Variants in ADGRL1 observed in about 807,000 individuals in gnomAD.
ADGRL1 encodes adhesion G protein-coupled receptor L1.
In ADGRL1, 31 loss-of-function variants were observed where a neutral mutation model predicts 148.9. The ratio of observed to expected loss-of-function variants is 0.21; its 90% CI spans 0.16 to 0.28. The LOEUF is 0.28. Ranked by LOEUF, ADGRL1 falls within the 10% of genes least tolerant of loss-of-function variation. ADGRL1 has a pLI of 1.00. For synonymous variants in ADGRL1, 937 were observed against 900.3 expected (o/e 1.04, Z -0.73); for missense variants, 1,521 against 2,058.8 (o/e 0.74, Z 5.05).
rs1967890172 is a variant in ADGRL1, at chr19:14,149,129, G to C, written c.*1744C>G. ...CTGGGGCTATGCTGCCCCTAGAGTT[G>C]AGGGAAGGGGGCTGGGGAGGCTGGC... On this transcript the variant is annotated 3_prime_UTR_variant, in exon 23 of 23. Coordinates refer to ENST00000361434, the MANE Select transcript of ADGRL1 (RefSeq NM_014921.5). 1 of 152,024 alleles carries C rather than the reference G, an allele frequency of 6.6e-6. No homozygotes were observed. The allele number at this position is 152,024 out of a possible 1,614,324, so 9.4% of individuals were successfully genotyped here.
chr19:14,152,820 G>A lies in ADGRL1; in HGVS notation c.3387C>T (p.Ala1129=), dbSNP rs765392717. 35 of 1,613,992 alleles carry A rather than the reference G, an allele frequency of 2.2e-5. 1 individual carries two copies. The African/African-American group carries it at 4.5e-4, about 21-fold the overall frequency. ...GGTHGSLKTS[A]MRSNTRYYTG... ...TGTAGTAGCGGGTGTTGCTTCGCAT[G>A]GCTGAGGTCTTGAGGGATCCGTGAG... Residue 1129 remains alanine (A), a synonymous_variant, in exon 19 of 23, where the codon GCC becomes GCT. Transcript: ENST00000361434. This position sits in a 1 kb window ranked among gnomAD's most constrained non-coding sequence, Gnocchi z 6.1.
At position 14,152,616 on chromosome 19, in the gene ADGRL1, G is replaced by A. The variant is rs760642110; in HGVS notation, c.3424-3C>T. The A allele has an allele frequency of 6.2e-7, 1 of 1,613,732 alleles. No homozygotes were observed. The highest frequency in any genetic ancestry group is 8.5e-7 in the Non-Finnish European group (1 of 1,179,820). On this transcript the variant is annotated splice_region_variant and splice_polypyrimidine_tract_variant and intron_variant, in intron 19 of 22. Coordinates refer to ENST00000361434, the MANE Select transcript of ADGRL1 (RefSeq NM_014921.5). This position sits in a 1 kb window ranked among gnomAD's most constrained non-coding sequence, Gnocchi z 6.1. ...TTCCACATCCTCCGAATTCGGCTCT[G>A]GGAACACAACCCAAATGTGAGGGGA...
intron 1 of ADGRL1, among the ~76,000 whole-genome samples, chr19:14,201,228 T>G (rs555594674): frequency 6.6e-6 from 1 of 150,968 alleles, no homozygotes; most frequent in African/African-American, 2.4e-5. Context: ...TCTGGCTTCC[T>G]GACCTGATCA....
At chr19:14,192,868 A>G (rs1972031489) in intron 1 of ADGRL1, among the ~76,000 whole-genome samples, 2 of 151,862 alleles carry the variant, frequency 1.3e-5, no homozygotes, top group Admixed American at 6.6e-5. Flanking sequence ...TTTTCTTTCT[A>G]CTCCCAGAAG....
In ADGRL1 at chr19:14,155,443, CG is replaced by C. The variant is rs1968622768; in HGVS notation, c.3209del (p.Ser1070TrpfsTer83). ...TGGTGAAGAGATAGGCCATGACCAC[CG>C]ACTCCTTGTTGATGAAGAGGAGGCC... is the stretch of plus-strand genomic sequence containing the variant. ...AFGLLFINKE[S>X]VVMAYLFTTF... On this transcript the variant is annotated frameshift_variant, in exon 18 of 23. Transcript: ENST00000361434. LOFTEE classifies it high-confidence loss of function. The surrounding 1 kb of genome is among the most constrained non-coding windows in gnomAD (Gnocchi z 5.0). The C allele has an allele frequency of 6.2e-7, 1 of 1,614,044 alleles. No homozygotes were observed. Among genetic ancestry groups the C allele is most frequent in the Non-Finnish European group, 8.5e-7 (1 of 1,180,008 alleles).
In ADGRL1 at chr19:14,159,035, T is replaced by TG. The variant is rs1969069060; in HGVS notation, c.2149+54dup. ...TGGCACAGAGACGCTGGCACAGAGC[T>TG]GGGGGGTGGGGGTGGGGCTGCTTCC... On this transcript the variant is annotated intron_variant, in intron 11 of 22. Coordinates refer to ENST00000361434, the MANE Select transcript of ADGRL1 (RefSeq NM_014921.5). The surrounding 1 kb of genome is among the most constrained non-coding windows in gnomAD (Gnocchi z 6.0). 1.0e-5 allele frequency: 14 copies of TG among 1,403,236 alleles called. No homozygotes were observed. The highest frequency in any genetic ancestry group is 1.3e-5 in the Non-Finnish European group (13 of 1,026,630). The allele number at this position is 1,403,236 out of a possible 1,614,324, so 86.9% of individuals were successfully genotyped here.
At chr19:14,178,180 C>T (rs1970950302) in intron 2 of ADGRL1, among the ~76,000 whole-genome samples, 1 of 152,052 alleles carries the variant, frequency 6.6e-6, no homozygotes, top group African/African-American at 2.4e-5. Flanking sequence ...AGGGTAGGCC[C>T]CAATCCAATA....
rs563221611 is a variant in ADGRL1 at position 14,172,053 on chromosome 19, G to A, written c.285-1262C>T. 5.4e-4 allele frequency among the ~76,000 whole-genome samples: 83 copies of A among 152,332 alleles called. 1 individual carries two copies. Among genetic ancestry groups the A allele is most frequent in the African/African-American group, 2.0e-3 (82 of 41,572 alleles). On this transcript the variant is annotated intron_variant, in intron 3 of 22. Transcript: ENST00000361434. The stretch of plus-strand genomic sequence containing the variant: ...GAGAAGGGACTAAGGATCTAGCAGG[G>A]AGAGAGAAAAATGGGGGGCAGGATG...
chr19:14,155,308 A>G lies in ADGRL1; in HGVS notation c.3294+51T>C. The G allele has an allele frequency of 1.3e-6, 2 of 1,596,498 alleles. No homozygotes were observed. Among genetic ancestry groups the G allele is most frequent in the Non-Finnish European group, 1.7e-6 (2 of 1,168,870 alleles). On this transcript the variant is annotated intron_variant, in intron 18 of 22. Transcript: ENST00000361434. This position sits in a 1 kb window ranked among gnomAD's most constrained non-coding sequence, Gnocchi z 5.0. Reference sequence around the variant, plus strand: ...CCTCGCCGCCTTCTCCTGGGTACCCAGGAAACGTCTCCAAGGGAGGCTGTG... The same window carrying G: ...CCTCGCCGCCTTCTCCTGGGTACCCGGGAAACGTCTCCAAGGGAGGCTGTG...
chr19:14,191,396 A>C (rs1050338150), intron 1 of ADGRL1: 3 of 456,622 alleles, frequency 6.6e-6, no homozygotes, highest in Non-Finnish European at 8.8e-6. Flanking sequence ...GCAGCTGTGC[A>C]ACAGGACAAA....
chr19:14,184,625 TATTTATTTATTTA>T (rs1599489776), intron 1 of ADGRL1, among the ~76,000 whole-genome samples: 1 of 132,404 alleles, frequency 7.6e-6, no homozygotes, highest in African/African-American at 3.0e-5. Flanking sequence ...TTTATTTATT[TATTTATTTATTTA>T]TTTATTTATT....
At chr19:14,192,648 T>G in intron 1 of ADGRL1, among the ~76,000 whole-genome samples, 1 of 152,058 alleles carries the variant, frequency 6.6e-6, no homozygotes, top group East Asian at 1.9e-4. Flanking sequence ...TTCAAGAACC[T>G]CGAGTGATTC....
rs200717671 is a variant in ADGRL1, at chr19:14,177,516, C to A, written c.284+15G>T. On this transcript the variant is annotated intron_variant, in intron 3 of 22. Coordinates refer to ENST00000361434, the MANE Select transcript of ADGRL1 (RefSeq NM_014921.5). Reference sequence around the variant, plus strand: ...CGGGCACTTCATCCAGGAACTGCCACGAGAGCCCACTCACCTCTGTGACAT... The same window carrying A: ...CGGGCACTTCATCCAGGAACTGCCAAGAGAGCCCACTCACCTCTGTGACAT... The A allele has an allele frequency of 1.9e-6, 3 of 1,609,804 alleles. No homozygotes were observed. The highest frequency in any genetic ancestry group is 2.6e-6 in the Non-Finnish European group (3 of 1,176,250).
chr19:14,153,083 G>C (rs1360417330), intron 18 of ADGRL1, among the ~76,000 whole-genome samples, 171 bp from the exon 19 acceptor site: 2 of 152,230 alleles, frequency 1.3e-5, no homozygotes, highest in East Asian at 3.9e-4. Context: ...GATGTCCCCT[G>C]TCCCCCAACA....
chr19:14,182,672 G>A (rs1016754960), intron 2 of ADGRL1, among the ~76,000 whole-genome samples: 1 of 152,206 alleles, frequency 6.6e-6, no homozygotes, highest in Non-Finnish European at 1.5e-5. Context: ...GGGGTGGAAG[G>A]CTGGCTCAGA....
intron 1 of ADGRL1, among the ~76,000 whole-genome samples, chr19:14,197,936 C>A: frequency 6.6e-6 from 1 of 152,260 alleles, no homozygotes; most frequent in South Asian, 2.1e-4. Context: ...GGAAGGTGTG[C>A]TTGACAGGGG....
intron 1 of ADGRL1, chr19:14,191,369 C>T: frequency 6.6e-6 from 3 of 456,648 alleles, no homozygotes; most frequent in South Asian, 3.1e-5. Flanking sequence ...CTTGGTAAAA[C>T]GGGGATACCT....
At position 14,160,685 on chromosome 19, in the gene ADGRL1, A is replaced by G; in HGVS notation, c.1522T>C (p.Phe508Leu). Residue 508 changes from phenylalanine (F) to leucine (L), a missense_variant, in exon 7 of 23, where the codon TTC becomes CTC. By Grantham distance (22) the Phe-to-Leu change is conservative. Coordinates refer to ENST00000361434, the MANE Select transcript of ADGRL1 (RefSeq NM_014921.5). This position sits in a 1 kb window ranked among gnomAD's most constrained non-coding sequence, Gnocchi z 5.9. ...CPKGTRGIAS[F>L]QCLPALGLWN... ...AGCCCCAAGGCTGGTAGACACTGGA[A>G]GGAGGCAATTCCTGCAGGGACAGAC... is the stretch of plus-strand genomic sequence containing the variant. The G allele has an allele frequency of 6.2e-7, 1 of 1,609,600 alleles. No individual in the cohort carries two copies. Among genetic ancestry groups the G allele is most frequent in the Non-Finnish European group, 8.5e-7 (1 of 1,176,692 alleles).
Position 14,157,987 on chromosome 19 carries a change from G to A in ADGRL1, c.2430C>T (p.Tyr810=), listed in dbSNP as rs2242222. Reference sequence around the variant, plus strand: ...CCAGGCGGCAGCCTTGGGTCGACCAGTAGCCCAGCATGGAACGCTCCGAGT... The same window carrying A: ...CCAGGCGGCAGCCTTGGGTCGACCAATAGCCCAGCATGGAACGCTCCGAGT... ...WNYSERSMLG[Y]WSTQGCRLVE... is the part of the protein sequence containing the mutation. Residue 810 remains tyrosine (Y), a synonymous_variant, in exon 13 of 23, where the codon TAC becomes TAT. Transcript: ENST00000361434. This position sits in a 1 kb window ranked among gnomAD's most constrained non-coding sequence, Gnocchi z 7.5. 185,505 of 1,614,102 alleles carry A rather than the reference G, an allele frequency of 0.11. 11,718 individuals are homozygous for A. Among genetic ancestry groups the A allele is most frequent in the Admixed American group, 0.24 (14,336 of 60,014 alleles).
Sources: allele counts gnomAD v4.1 joint callset (sites outside exome capture counted in the v4.1 genomes callset), GRCh38; gene constraint gnomAD v4.1.1; non-coding constraint Gnocchi (gnomAD v3.1); transcripts MANE v1.5; gene names NCBI Gene and HGNC (gene_info 2026-07-23, HGNC 2026-07-21).